Variants in CNTNAP5 observed in about 807,000 individuals in gnomAD.
CNTNAP5 encodes contactin-associated protein-like 5.
Under a neutral mutation model 150.2 loss-of-function variants are expected in CNTNAP5, and 72 were observed. The observed-to-expected ratio is 0.48, with a 90% confidence interval of 0.40 to 0.58. The LOEUF is 0.58. CNTNAP5 is among the 20% of genes least tolerant of loss of function. The pLI is 0.00. For missense variants in CNTNAP5, 1,636 were observed against 1,626.2 expected (o/e 1.01, Z -0.10); for synonymous variants, 672 against 619.8 (o/e 1.08, Z -1.25).
intron 1 of CNTNAP5, among the ~76,000 whole-genome samples, chr2:124,124,091 G>A (rs185457768): frequency 1.2e-4 from 18 of 152,252 alleles, no homozygotes; most frequent in Admixed American, 2.0e-4. Context: ...GGCTTCAGAC[G>A]ATTGGTAATA....
intron 4 of CNTNAP5, among the ~76,000 whole-genome samples, chr2:124,419,974 T>C (rs72839488): frequency 0.2 from 1,968 of 9,704 alleles, 121 homozygotes; most frequent in East Asian, 0.44. Context: ...CTCTCTCTCT[T>C]TCTTTCTTTC....
chr2:124,187,940 G>A (rs1685370624), intron 1 of CNTNAP5, among the ~76,000 whole-genome samples: 1 of 152,148 alleles, frequency 6.6e-6, no homozygotes, highest in Non-Finnish European at 1.5e-5. Flanking sequence ...ATCATCTTCT[G>A]ATATTATGGT....
At chr2:124,611,536 T>G (rs1677384897) in intron 12 of CNTNAP5, among the ~76,000 whole-genome samples, 1 of 152,234 alleles carries the variant, frequency 6.6e-6, no homozygotes, top group Non-Finnish European at 1.5e-5. Context: ...TAACCTATAG[T>G]GTTCAACAAC....
intron 10 of CNTNAP5, among the ~76,000 whole-genome samples, chr2:124,530,485 A>G (rs1695079910): frequency 6.6e-6 from 1 of 152,150 alleles, no homozygotes; most frequent in Non-Finnish European, 1.5e-5. Context: ...TTTACAAACC[A>G]CCTTTGATAC....
At chr2:124,874,662 C>T (rs1677817932) in intron 21 of CNTNAP5, among the ~76,000 whole-genome samples, 2 of 151,984 alleles carry the variant, frequency 1.3e-5, no homozygotes, top group South Asian at 4.1e-4. Flanking sequence ...TTAAAGAAGA[C>T]TTCTTGCCAA....
At chr2:124,044,680 C>T (rs561228829) in intron 1 of CNTNAP5, among the ~76,000 whole-genome samples, 2 of 152,156 alleles carry the variant, frequency 1.3e-5, no homozygotes, top group East Asian at 3.9e-4. Context: ...CTGATAGTTC[C>T]CCAGTGTGCT....
rs373251080 is a variant in CNTNAP5 at position 124,882,255 on chromosome 2, C to T, written c.3436+12493C>T. Among the ~76,000 whole-genome samples, 6 of 152,110 alleles carry T rather than the reference C, an allele frequency of 3.9e-5. No individual in the cohort carries two copies. The South Asian group carries it at 8.3e-4, about 21-fold the overall frequency. ...TTGAATAGGTGAGGTTAGAAAGGAG[C>T]GAGAATGAACCACTCAGCCCACTGA... On this transcript the variant is annotated intron_variant, in intron 21 of 23. Coordinates refer to ENST00000682447, the MANE Select transcript of CNTNAP5 (RefSeq NM_001367498.1).
rs555019330 is a variant in CNTNAP5 at position 124,646,553 on chromosome 2, G to A, written c.1877-1205G>A. 1.8e-4 allele frequency among the ~76,000 whole-genome samples: 28 copies of A among 152,302 alleles called. 1 individual carries two copies. The highest frequency in any genetic ancestry group is 3.4e-3 in the Middle Eastern group (1 of 294). On this transcript the variant is annotated intron_variant, in intron 12 of 23. Transcript: ENST00000682447. The stretch of plus-strand genomic sequence containing the variant: ...TGTAATTATGCGGGCAAGATTCTCA[G>A]ATGACAAAAGCTTTTCAAGTCTTCC...
intron 3 of CNTNAP5, among the ~76,000 whole-genome samples, chr2:124,298,404 C>G (rs1049232005): frequency 6.6e-6 from 1 of 152,086 alleles, no homozygotes; most frequent in African/African-American, 2.4e-5. Flanking sequence ...AAAATATCAC[C>G]AGACCAACTC....
At chr2:124,292,406 C>A (rs891789529) in intron 3 of CNTNAP5, among the ~76,000 whole-genome samples, 1 of 152,066 alleles carries the variant, frequency 6.6e-6, no homozygotes, top group Non-Finnish European at 1.5e-5. Context: ...AGGAACGGAG[C>A]AAATTAAATG....
rs543865118 is a variant in CNTNAP5, at chr2:124,789,757, C to T, written c.2753-145C>T. On this transcript the variant is annotated intron_variant, in intron 17 of 23. Transcript: ENST00000682447. ...TATTTGAGGCTCTTTGGAATTCCAA[C>T]TCTCACTGAAACTTTAATAAAAAAA... 229 of 702,860 alleles carry T rather than the reference C, an allele frequency of 3.3e-4. No homozygotes were observed. In the African/African-American group the frequency reaches 3.7e-3, roughly 12 times the overall value. The allele number at this position is 702,860 out of a possible 1,614,324, so 43.5% of individuals were successfully genotyped here.
chr2:124,883,103 C>G (rs1553452046), intron 21 of CNTNAP5, among the ~76,000 whole-genome samples: 1 of 145,334 alleles, frequency 6.9e-6, no homozygotes, highest in African/African-American at 2.6e-5. Context: ...CTATCTCCTT[C>G]TCTTGGCCAG....
At chr2:124,065,629 T>C (rs1682134005) in intron 1 of CNTNAP5, among the ~76,000 whole-genome samples, 1 of 152,226 alleles carries the variant, frequency 6.6e-6, no homozygotes, top group Admixed American at 6.5e-5. Flanking sequence ...GCAGCAGCTA[T>C]AATGTCCCCA....
At chr2:124,671,812 G>A (rs188920194) in intron 13 of CNTNAP5, among the ~76,000 whole-genome samples, 10 of 152,156 alleles carry the variant, frequency 6.6e-5, no homozygotes, top group Middle Eastern at 3.4e-3. Context: ...GCTAGTTTTT[G>A]TATTTTTAGT....
At chr2:124,173,820 TC>T (rs1230632213) in intron 1 of CNTNAP5, among the ~76,000 whole-genome samples, 4 of 152,230 alleles carry the variant, frequency 2.6e-5, no homozygotes, top group African/African-American at 9.6e-5. Flanking sequence ...AAACAGCCTT[TC>T]TTTTGGAAGA....
At chr2:124,149,093 A>G (rs958370844) in intron 1 of CNTNAP5, among the ~76,000 whole-genome samples, 7 of 152,090 alleles carry the variant, frequency 4.6e-5, no homozygotes, top group African/African-American at 1.4e-4. Context: ...GGTTAATCAC[A>G]TATGTTACCT....
intron 1 of CNTNAP5, among the ~76,000 whole-genome samples, chr2:124,095,864 T>C (rs1573750061): frequency 6.6e-6 from 1 of 152,234 alleles, no homozygotes; most frequent in African/African-American, 2.4e-5. Flanking sequence ...TTTTAATCTT[T>C]AGTTAATCTT....
chr2:124,109,869 T>C (rs1683256687), intron 1 of CNTNAP5, among the ~76,000 whole-genome samples: 1 of 152,228 alleles, frequency 6.6e-6, no homozygotes, highest in South Asian at 2.1e-4. Context: ...GAACAAAGGA[T>C]CTGCATTTTT....
Position 124,869,662 on chromosome 2 carries a change from T to C in CNTNAP5, c.3349-13T>C. The stretch of plus-strand genomic sequence containing the variant: ...CCTCTGCTGATGTGCCTTTGTTTTC[T>C]GTTTTCCTGCAGATGGACCAGCAAC... On this transcript the variant is annotated splice_polypyrimidine_tract_variant and intron_variant, in intron 20 of 23. Coordinates refer to ENST00000682447, the MANE Select transcript of CNTNAP5 (RefSeq NM_001367498.1). 1 of 1,594,986 alleles carries C rather than the reference T, an allele frequency of 6.3e-7. No individual in the cohort carries two copies. The highest frequency in any genetic ancestry group is 8.6e-7 in the Non-Finnish European group (1 of 1,163,558).
Sources: allele counts gnomAD v4.1 joint callset (sites outside exome capture counted in the v4.1 genomes callset), GRCh38; gene constraint gnomAD v4.1.1; transcripts MANE v1.5; gene names NCBI Gene and HGNC (gene_info 2026-07-23, HGNC 2026-07-21).